The following USP15 variants were observed in gnomAD, a reference collection of about 807,000 sequenced individuals.
USP15 encodes ubiquitin specific peptidase 15.
USP15 carries 18 observed loss-of-function variants against 127.1 expected under a neutral mutation model. The observed-to-expected ratio is 0.14, with a 90% CI of 0.10 to 0.21. USP15 has a LOEUF of 0.21. USP15 is among the 10% of genes least tolerant of loss of function. The pLI is 1.00. For missense variants in USP15, 805 were observed against 1,159.9 expected (o/e 0.69, Z 4.44); for synonymous variants, 364 against 393.7 (o/e 0.92, Z 0.89).
chr12:62,395,324 G>A (rs563189767), intron 19 of USP15, among the ~76,000 whole-genome samples: 172 of 152,138 alleles, frequency 1.1e-3, no homozygotes, highest in African/African-American at 3.9e-3. Flanking sequence ...GCATGAAAAC[G>A]TTTATCTGAA....
rs375641988 is a variant in USP15, at chr12:62,401,017, T to A, written c.2675-170T>A. On this transcript the variant is annotated intron_variant, in intron 20 of 21. Transcript: ENST00000280377. Reference sequence around the variant, plus strand: ...TTACATGAAAATTATTTTTGGCATCTAATTGTAGAAATTAGAAATCATTTG... The same window carrying A: ...TTACATGAAAATTATTTTTGGCATCAAATTGTAGAAATTAGAAATCATTTG... The A allele has an allele frequency of 3.8e-5, 18 of 469,802 alleles. 1 individual carries two copies. Among genetic ancestry groups the A allele is most frequent in the African/African-American group, 2.6e-4 (13 of 49,414 alleles). The allele number at this position is 469,802 out of a possible 1,614,324, so 29.1% of individuals were successfully genotyped here.
chr12:62,302,656 A>T, intron 2 of USP15, 134 bp from the exon 3 acceptor site: 1 of 876,936 alleles, frequency 1.1e-6, no homozygotes, highest in Non-Finnish European at 1.7e-6. Flanking sequence ...GACACCCCTG[A>T]TGTAAGGGAG....
chr12:62,398,669 G>A (rs1592736325), intron 20 of USP15, among the ~76,000 whole-genome samples: 1 of 152,112 alleles, frequency 6.6e-6, no homozygotes, highest in Admixed American at 6.6e-5. Flanking sequence ...TTAGGAGTCC[G>A]AAAGTTGTAA....
At chr12:62,287,728 T>G (rs553719592) in intron 1 of USP15, among the ~76,000 whole-genome samples, 1 of 152,278 alleles carries the variant, frequency 6.6e-6, no homozygotes, top group South Asian at 2.1e-4. Context: ...TGCGTTAATT[T>G]TTGTTGTTGT....
In USP15 at chr12:62,266,278, G is replaced by A. The variant is rs141979751; in HGVS notation, c.89+5775G>A. Among the ~76,000 whole-genome samples the A allele has an allele frequency of 4.6e-5, 7 of 151,926 alleles. No homozygotes were observed. In the East Asian group the frequency reaches 1.2e-3, roughly 25 times the overall value. ...AAGATCTTGTAGGCTATTTTGTTTC[G>A]GTACTTGGTCCATATTTTAAAAGTA... On this transcript the variant is annotated intron_variant, in intron 1 of 21. Coordinates refer to ENST00000280377, the MANE Select transcript of USP15 (RefSeq NM_001252078.2).
At chr12:62,392,652 T>C (rs1428359692) in intron 18 of USP15, among the ~76,000 whole-genome samples, 1 of 152,112 alleles carries the variant, frequency 6.6e-6, no homozygotes, top group Non-Finnish European at 1.5e-5. Context: ...TCCAAGAAAT[T>C]TTAGCTATGT....
At chr12:62,329,224 T>C (rs1239203206) in intron 6 of USP15, among the ~76,000 whole-genome samples, 1 of 151,988 alleles carries the variant, frequency 6.6e-6, no homozygotes, top group Non-Finnish European at 1.5e-5. Context: ...ATACAAAAAT[T>C]AGCTGGTATG....
At chr12:62,314,707 C>T in intron 3 of USP15, 83 bp from the exon 4 acceptor site, 1 of 1,281,962 alleles carries the variant, frequency 7.8e-7, no homozygotes, top group Non-Finnish European at 1.0e-6. Flanking sequence ...CTGCAGTTTT[C>T]TAAAGTCTCT....
chr12:62,384,087 G>A lies in USP15; in HGVS notation c.1258G>A (p.Glu420Lys), dbSNP rs749157875. The change falls in exon 11 of 22, where the codon GAA becomes AAA. Residue 420 changes from glutamate (E) to lysine (K), a missense_variant. By Grantham distance (56) the Glu-to-Lys change is moderately conservative. Coordinates refer to ENST00000280377, the MANE Select transcript of USP15 (RefSeq NM_001252078.2). Reference sequence around the variant, plus strand: ...TCTATTATCCTTGTAGGTGGTTGCCGAAGAAGCCTGGGAAAACCATTTAAA... The same window carrying A: ...TCTATTATCCTTGTAGGTGGTTGCCAAAGAAGCCTGGGAAAACCATTTAAA... ...ADGRPDKVVA[E>K]EAWENHLKRN... The A allele has an allele frequency of 9.3e-6, 15 of 1,611,942 alleles. No individual in the cohort carries two copies. The highest frequency in any genetic ancestry group is 4.5e-5 in the East Asian group (2 of 44,840).
intron 21 of USP15, among the ~76,000 whole-genome samples, chr12:62,403,487 T>C (rs1018658088): frequency 3.3e-5 from 5 of 152,050 alleles, no homozygotes; most frequent in African/African-American, 1.2e-4. Context: ...TTCAGTTGTT[T>C]ATTAGGTTAT....
chr12:62,336,073 T>C (rs1327833445), intron 6 of USP15: 2 of 985,274 alleles, frequency 2.0e-6, no homozygotes, highest in Non-Finnish European at 1.2e-6. Flanking sequence ...CTTCACTAAC[T>C]GTTTGCAGCA....
At chr12:62,371,709 T>TA (rs2066675737) in intron 8 of USP15, among the ~76,000 whole-genome samples, 1 of 152,190 alleles carries the variant, frequency 6.6e-6, no homozygotes, top group Non-Finnish European at 1.5e-5. Context: ...ACACCCACAA[T>TA]AAAGCTTCTA....
chr12:62,329,971 T>C (rs2065240763), intron 6 of USP15, among the ~76,000 whole-genome samples: 1 of 152,148 alleles, frequency 6.6e-6, no homozygotes, highest in African/African-American at 2.4e-5. Flanking sequence ...TTTGTAGTAG[T>C]GGGGATTTGG....
intron 1 of USP15, among the ~76,000 whole-genome samples, chr12:62,264,821 A>G (rs2063156708): frequency 6.6e-6 from 1 of 152,256 alleles, no homozygotes; most frequent in Non-Finnish European, 1.5e-5. Context: ...GTATACTTAA[A>G]GAAATTTTTA....
At chr12:62,327,876 A>T (rs1193485497) in intron 6 of USP15, 1 of 232,624 alleles carries the variant, frequency 4.3e-6, no homozygotes, top group Non-Finnish European at 8.7e-6. Context: ...AGCATAGAAA[A>T]GTTAAATATC....
chr12:62,274,239 A>G (rs1331921473), intron 1 of USP15: 4 of 152,276 alleles, frequency 2.6e-5, no homozygotes, highest in Non-Finnish European at 5.9e-5. Flanking sequence ...TCACACCTGT[A>G]ATCCCAACAC....
chr12:62,269,324 A>G (rs2063282938), intron 1 of USP15, among the ~76,000 whole-genome samples: 1 of 151,946 alleles, frequency 6.6e-6, no homozygotes, highest in Non-Finnish European at 1.5e-5. Flanking sequence ...AATGGTAAGT[A>G]TATATATATG....
Position 62,390,916 on chromosome 12 carries a change from T to G in USP15, c.1897T>G (p.Cys633Gly). 1 of 1,612,946 alleles carries G rather than the reference T, an allele frequency of 6.2e-7. No individual in the cohort carries two copies. Among genetic ancestry groups the G allele is most frequent in the Non-Finnish European group, 8.5e-7 (1 of 1,179,324 alleles). ...ETEETEGSLHCCKDQNINGNG... is the reference protein window; with the variant it reads ...ETEETEGSLHGCKDQNINGNG... ...TGAAGAAACTGAAGGATCCCTACAC[T>G]GCTGTAAGGACCAAAATATTAATGG... is the stretch of plus-strand genomic sequence containing the variant. The change falls in exon 15 of 22, where the codon TGC (cysteine) becomes GGC (glycine). Residue 633 changes from cysteine to glycine, a missense_variant. This residue lies in a region of USP15 where 225 missense variants were observed against 239.5 expected (regional missense o/e 0.94). Coordinates refer to ENST00000280377, the MANE Select transcript of USP15 (RefSeq NM_001252078.2).
chr12:62,318,039 C>A (rs927991852), intron 4 of USP15, among the ~76,000 whole-genome samples: 1 of 152,070 alleles, frequency 6.6e-6, no homozygotes, highest in African/African-American at 2.4e-5. Context: ...TATTTTTCTA[C>A]CTCTGTATGC....
Sources: allele counts gnomAD v4.1 joint callset (sites outside exome capture counted in the v4.1 genomes callset), GRCh38; gene constraint gnomAD v4.1.1; regional missense constraint gnomAD v4.1.1; transcripts MANE v1.5; gene names NCBI Gene and HGNC (gene_info 2026-07-23, HGNC 2026-07-21).